Variants in ANKAR observed in about 807,000 individuals in gnomAD.
The protein encoded by ANKAR is ankyrin and armadillo repeat containing, also known as ankyrin and armadillo repeat-containing protein.
ANKAR carries 136 observed loss-of-function variants against 146.2 expected under a neutral mutation model. The observed-to-expected ratio is 0.93, with a 90% CI of 0.81 to 1.07. The LOEUF (loss-of-function observed/expected upper bound fraction) is 1.07. Among genes scored for constraint, ANKAR ranks in the 50% least tolerant of loss-of-function variants. The pLI is 0.00. For missense variants in ANKAR, 1,567 were observed against 1,679.9 expected (o/e 0.93, Z 1.18); for synonymous variants, 500 against 575.8 (o/e 0.87, Z 1.88).
chr2:189,719,354 A>G (rs2040969059), intron 10 of ANKAR, among the ~76,000 whole-genome samples: 1 of 152,210 alleles, frequency 6.6e-6, no homozygotes, highest in South Asian at 2.1e-4. Flanking sequence ...TGTGAAAATC[A>G]AATGTATGAA....
chr2:189,677,127 TTTTTTTTG>T (rs1434285578), intron 2 of ANKAR, 36 bp downstream of exon 2: 2 of 1,445,220 alleles, frequency 1.4e-6, no homozygotes, highest in African/African-American at 2.9e-5. Flanking sequence ...TTTTTTTTTT[TTTTTTTTG>T]GAACAGAGTC....
At chr2:189,759,197 A>G (rs1447506258) in intron 18 of ANKAR, among the ~76,000 whole-genome samples, 2 of 152,062 alleles carry the variant, frequency 1.3e-5, no homozygotes, top group Non-Finnish European at 2.9e-5. Flanking sequence ...GCCTCTTTAC[A>G]TACATTATTT....
intron 7 of ANKAR, among the ~76,000 whole-genome samples, chr2:189,704,160 G>A (rs74270970): frequency 1.9e-4 from 16 of 83,862 alleles, no homozygotes; most frequent in African/African-American, 7.2e-4. Context: ...TTTTTTTTTT[G>A]AGATGGAGTC....
chr2:189,731,438 A>G (rs1248774566), intron 16 of ANKAR, among the ~76,000 whole-genome samples: 2 of 143,270 alleles, frequency 1.4e-5, no homozygotes, highest in African/African-American at 5.2e-5. Flanking sequence ...CAATGGTGCC[A>G]TCTCAGCTCA....
intron 18 of ANKAR, 90 bp from the exon 19 acceptor site, chr2:189,738,475 T>TAAAA: frequency 6.2e-6 from 4 of 650,402 alleles, no homozygotes; most frequent in Non-Finnish European, 1.0e-5. Flanking sequence ...TCAAAAGAAT[T>TAAAA]AAAAAAAAAA....
At position 189,704,544 on chromosome 2, in the gene ANKAR, C is replaced by CATAT. The variant is rs10578902; in HGVS notation, c.1709-429_1709-426dup. ...TTAGTGACATTGAGGCCTTTGTTAA[C>CATAT]ATATATATATATATATATATATATA... On this transcript the variant is annotated intron_variant, in intron 7 of 22. Transcript: ENST00000684021. 8.9e-3 allele frequency among the ~76,000 whole-genome samples: 325 copies of CATAT among 36,408 alleles called. 15 individuals carry two copies. Among genetic ancestry groups the CATAT allele is most frequent in the Non-Finnish European group, 0.012 (217 of 17,634 alleles). The allele number at this position is 36,408 out of a possible 152,430, so 23.9% of individuals were successfully genotyped here. A position where few individuals can be genotyped will look rare whatever the true frequency, so the allele number is the denominator to read the frequency against.
intron 2 of ANKAR, among the ~76,000 whole-genome samples, chr2:189,685,659 C>T (rs1465916911): frequency 1.3e-5 from 2 of 152,260 alleles, no homozygotes; most frequent in African/African-American, 4.8e-5. Context: ...TGAGCAGGAA[C>T]CCCTGACATT....
Position 189,728,420 on chromosome 2 carries a change from G to T in ANKAR, c.3031G>T (p.Gly1011Ter). Residue 1011 changes from glycine (G) to a stop codon, truncating the protein, a stop_gained and splice_region_variant, in exon 14 of 23, where the codon GGA becomes TGA. Coordinates refer to ENST00000684021, the MANE Select transcript of ANKAR (RefSeq NM_001378068.1). LOFTEE classifies it high-confidence loss of function. ...ACCATCAGCTAAAATGCAGTATGTTGGTAAGTTATTTTCCTTATTTTATTT... is the reference window on the plus strand; with the variant it reads ...ACCATCAGCTAAAATGCAGTATGTTTGTAAGTTATTTTCCTTATTTTATTT... The part of the protein sequence containing the change: ...LSPSAKMQYV[G>*]GEAVIALSKD... 6.3e-7 allele frequency: 1 copy of T among 1,586,302 alleles called. No individual in the cohort carries two copies. Among genetic ancestry groups the T allele is most frequent in the South Asian group, 1.2e-5 (1 of 86,290 alleles).
At chr2:189,757,598 A>T (rs2046268664) in intron 18 of ANKAR, among the ~76,000 whole-genome samples, 1 of 152,252 alleles carries the variant, frequency 6.6e-6, no homozygotes, top group South Asian at 2.1e-4. Context: ...CTGAGGCACA[A>T]AAAACTGTGC....
chr2:189,719,651 T>A lies in ANKAR; in HGVS notation c.2304T>A (p.Asn768Lys). 1.2e-6 allele frequency: 2 copies of A among 1,614,154 alleles called. No homozygotes were observed. Among genetic ancestry groups the A allele is most frequent in the East Asian group, 4.5e-5 (2 of 44,880 alleles). ...GCAAAACTGTTGGGTTATTGAGTAA[T>A]ATCTCAACCCACAAAAGTGCAGTGC... Reference protein sequence around the residue: ...LQCKTVGLLSNISTHKSAVHA... With the variant: ...LQCKTVGLLSKISTHKSAVHA... The change falls in exon 11 of 23, where the codon AAT (asparagine) becomes AAA (lysine). Residue 768 changes from asparagine (N) to lysine (K), a missense_variant. Coordinates refer to ENST00000684021, the MANE Select transcript of ANKAR (RefSeq NM_001378068.1).
At chr2:189,761,108 A>C (rs1395968582) in exon 19 of ANKAR, 1 of 205,586 alleles carries the variant, frequency 4.9e-6, no homozygotes, top group African/African-American at 2.3e-5. Flanking sequence ...TTTTCCTAGG[A>C]CTTCAGCTGA....
intron 10 of ANKAR, among the ~76,000 whole-genome samples, chr2:189,711,540 A>G (rs2039680487): frequency 6.6e-6 from 1 of 152,212 alleles, no homozygotes; most frequent in Admixed American, 6.5e-5. Flanking sequence ...TCTGGTTTGT[A>G]ACTACCTCTG....
chr2:189,726,151 G>A (rs996906204), intron 12 of ANKAR, among the ~76,000 whole-genome samples: 1 of 152,000 alleles, frequency 6.6e-6, no homozygotes, highest in Non-Finnish European at 1.5e-5. Flanking sequence ...TAAATCTTGG[G>A]GGCAAATTTT....
chr2:189,734,100 C>T (rs950907792), intron 17 of ANKAR, among the ~76,000 whole-genome samples: 1 of 152,212 alleles, frequency 6.6e-6, no homozygotes, highest in Non-Finnish European at 1.5e-5. Flanking sequence ...CTTCTTCACT[C>T]ACCTTCCCAG....
chr2:189,676,252 T>C (rs2033655415), intron 1 of ANKAR, among the ~76,000 whole-genome samples: 1 of 152,244 alleles, frequency 6.6e-6, no homozygotes, highest in Admixed American at 6.5e-5. Flanking sequence ...ACATGGTTAA[T>C]GATAAAGGTT....
intron 11 of ANKAR, 94 bp downstream of exon 11, chr2:189,719,907 A>G: frequency 7.7e-7 from 1 of 1,303,272 alleles, no homozygotes; most frequent in Admixed American, 2.7e-5. Context: ...ATTCAGTGAC[A>G]AAACTCTCAG....
intron 10 of ANKAR, among the ~76,000 whole-genome samples, chr2:189,716,737 CAG>C (rs2040516785): frequency 6.6e-6 from 1 of 152,150 alleles, no homozygotes; most frequent in Non-Finnish European, 1.5e-5. Context: ...GGTACCAAAA[CAG>C]AGATATAGAC....
At chr2:189,718,086 T>TAAAA (rs772745308) in intron 10 of ANKAR, among the ~76,000 whole-genome samples, 762 of 7,270 alleles carry the variant, frequency 0.1, 5 homozygotes, top group Non-Finnish European at 0.37. Flanking sequence ...TAAAGTATAA[T>TAAAA]AAAAAAATAA....
At chr2:189,755,239 T>C (rs758712107) in intron 18 of ANKAR, 60 of 1,613,044 alleles carry the variant, frequency 3.7e-5, no homozygotes, top group Non-Finnish European at 5.0e-5. Flanking sequence ...CTGAAACTCC[T>C]TGAACTAATG....
Sources: allele counts gnomAD v4.1 joint callset (sites outside exome capture counted in the v4.1 genomes callset), GRCh38; gene constraint gnomAD v4.1.1; transcripts MANE v1.5; gene names NCBI Gene and HGNC (gene_info 2026-07-23, HGNC 2026-07-21).